Variants in GOLGA2 observed in about 807,000 individuals in gnomAD.
The protein encoded by GOLGA2 is golgin subfamily A member 2.
A neutral mutation model predicts 148.8 loss-of-function variants in GOLGA2; 49 were observed. That is an observed-to-expected ratio of 0.33 (90% CI 0.26 to 0.42). GOLGA2 has a LOEUF of 0.42. GOLGA2 is among the 10% of genes least tolerant of loss of function. The probability of loss-of-function intolerance (pLI) is 1.00; values close to 1 mark genes in which losing one functional copy is unlikely to be tolerated. For synonymous variants in GOLGA2, 501 were observed against 511.8 expected (o/e 0.98, Z 0.28); for missense variants, 1,178 against 1,304.6 (o/e 0.90, Z 1.49).
At chr9:128,263,437 T>C (rs1308177578) in intron 12 of GOLGA2, among the ~76,000 whole-genome samples, 1 of 151,974 alleles carries the variant, frequency 6.6e-6, no homozygotes, top group Non-Finnish European at 1.5e-5. Flanking sequence ...TTTTGTTTTT[T>C]CTGAGATGGA....
Position 128,257,177 on chromosome 9 carries a change from G to T in GOLGA2, c.2980C>A (p.Leu994Ile), listed in dbSNP as rs1237582348. Residue 994 changes from leucine (L) to isoleucine (I), a missense_variant, in exon 27 of 27, where the codon CTT becomes ATT. Leu to Ile is a conservative substitution (Grantham distance 5). Transcript: ENST00000611957. This position sits in a 1 kb window ranked among gnomAD's most constrained non-coding sequence, Gnocchi z 8.0. ...NPTAQQIMQLLREMQNPRERP... is the reference protein window; with the variant it reads ...NPTAQQIMQLIREMQNPRERP... ...TCCCGGGGGTTCTGCATCTCACGAAGCAGCTGCATGATCTGCTGTGCAGTG... is the reference window on the plus strand; with the variant it reads ...TCCCGGGGGTTCTGCATCTCACGAATCAGCTGCATGATCTGCTGTGCAGTG... The T allele has an allele frequency of 1.2e-6, 2 of 1,614,056 alleles. No homozygotes were observed. The highest frequency in any genetic ancestry group is 8.5e-7 in the Non-Finnish European group (1 of 1,179,932).
chr9:128,275,503 G>T, intron 1 of GOLGA2: 1 of 1,309,768 alleles, frequency 7.6e-7, no homozygotes, highest in Non-Finnish European at 9.8e-7. Context: ...GGAGGTGAGG[G>T]TCGAGTCTGG....
chr9:128,265,915 G>C, intron 10 of GOLGA2, 34 bp from the exon 11 acceptor site: 1 of 1,606,246 alleles, frequency 6.2e-7, no homozygotes, highest in Non-Finnish European at 8.5e-7. Context: ...TGCTGAAAAA[G>C]AAGGAAAGAA....
chr9:128,262,881 T>C, intron 13 of GOLGA2, 153 bp downstream of exon 13: 1 of 799,002 alleles, frequency 1.3e-6, no homozygotes, highest in Non-Finnish European at 2.1e-6. Flanking sequence ...GGCTACACCA[T>C]GAGTCAGTGG....
chr9:128,262,030 C>A (rs777198299), intron 14 of GOLGA2: 83 of 427,038 alleles, frequency 1.9e-4, no homozygotes, highest in Non-Finnish European at 3.1e-4. Context: ...ATGGCAAAGC[C>A]CCGTATCTAC....
Position 128,257,143 on chromosome 9 carries a change from C to T in GOLGA2, c.3014G>A (p.Gly1005Asp). Reference sequence around the variant, plus strand: ...AGGAATGCAGGGGTTGCTGCCCAAGCCTGGGCGCTCCCGGGGGTTCTGCAT... The same window carrying T: ...AGGAATGCAGGGGTTGCTGCCCAAGTCTGGGCGCTCCCGGGGGTTCTGCAT... ...REMQNPRERP[G>D]LGSNPCIPFF... The change falls in exon 27 of 27, where the codon GGC becomes GAC. Residue 1005 changes from glycine to aspartate, a missense_variant. By Grantham distance (94) the Gly-to-Asp change is moderately conservative. Coordinates refer to ENST00000611957, the MANE Select transcript of GOLGA2 (RefSeq NM_001366244.2). The surrounding 1 kb of genome is among the most constrained non-coding windows in gnomAD (Gnocchi z 8.0). 6.2e-7 allele frequency: 1 copy of T among 1,614,202 alleles called. No homozygotes were observed. Among genetic ancestry groups the T allele is most frequent in the Non-Finnish European group, 8.5e-7 (1 of 1,180,020 alleles).
At position 128,257,938 on chromosome 9, in the gene GOLGA2, GC is replaced by G. The variant is rs746400988; in HGVS notation, c.2508+41del. The G allele has an allele frequency of 3.4e-6, 5 of 1,466,010 alleles. No homozygotes were observed. The South Asian group carries it at 3.4e-5, about 10-fold the overall frequency. 90.8% of individuals were successfully genotyped at this position (1,466,010 alleles called of 1,614,324 possible). ...TCATATATCGGCAGCGACCTGCCCC[GC>G]CCCCACCCTTCTTGACCCATGCCAG... On this transcript the variant is annotated intron_variant, in intron 23 of 26. Coordinates refer to ENST00000611957, the MANE Select transcript of GOLGA2 (RefSeq NM_001366244.2). This position sits in a 1 kb window ranked among gnomAD's most constrained non-coding sequence, Gnocchi z 8.0.
In GOLGA2 at chr9:128,266,346, A is replaced by T. The variant is rs1399615512; in HGVS notation, c.643-21T>A. The T allele has an allele frequency of 1.2e-6, 2 of 1,608,752 alleles. No individual in the cohort carries two copies. On this transcript the variant is annotated intron_variant, in intron 8 of 26. Transcript: ENST00000611957. This position sits in a 1 kb window ranked among gnomAD's most constrained non-coding sequence, Gnocchi z 4.2. Reference sequence around the variant, plus strand: ...TGTTTCTGTGGGGAAGAGTCAAAGGAAGGTGACTGAGGGTGGCCCCCTCAA... The same window carrying T: ...TGTTTCTGTGGGGAAGAGTCAAAGGTAGGTGACTGAGGGTGGCCCCCTCAA...
Position 128,271,414 on chromosome 9 carries a change from C to G in GOLGA2, c.288+1371G>C, listed in dbSNP as rs77230747. ...CCAACAGGATCAGGCTCTATTCGTG[C>G]CCTGCTCCTCTGGCTTGGCAGGAAG... On this transcript the variant is annotated intron_variant, in intron 3 of 26. Coordinates refer to ENST00000611957, the MANE Select transcript of GOLGA2 (RefSeq NM_001366244.2). This position sits in a 1 kb window ranked among gnomAD's most constrained non-coding sequence, Gnocchi z 4.4. 1.2e-3 allele frequency among the ~76,000 whole-genome samples: 187 copies of G among 152,288 alleles called. 1 individual carries two copies. The highest frequency in any genetic ancestry group is 4.4e-3 in the African/African-American group (183 of 41,552).
rs748480422 is a variant in GOLGA2 at position 128,261,176 on chromosome 9, C to A, written c.1416G>T (p.Gln472His). Residue 472 changes from glutamine to histidine, a missense_variant, in exon 17 of 27, where the codon CAG (glutamine) becomes CAT (histidine). By Grantham distance (24) the Gln-to-His change is conservative (BLOSUM62 0). This residue lies in a region of GOLGA2 where 529 missense variants were observed against 521.8 expected (regional missense o/e 1.01). Transcript: ENST00000611957. The surrounding 1 kb of genome is among the most constrained non-coding windows in gnomAD (Gnocchi z 5.7). The stretch of plus-strand genomic sequence containing the variant: ...GTCACCCCAGCCCCAGCTTACCCAT[C>A]TGGTTCCTCAGTTCAGCCAAGCTCG... Reference protein sequence around the residue: ...LETSLAELRNQMAEPPPPEPP... With the variant: ...LETSLAELRNHMAEPPPPEPP... 2 of 1,608,806 alleles carry A rather than the reference C, an allele frequency of 1.2e-6. No homozygotes were observed. The highest frequency in any genetic ancestry group is 1.7e-6 in the Non-Finnish European group (2 of 1,175,164).
rs1829856449 is a variant in GOLGA2 at position 128,256,302 on chromosome 9, T to C, written c.*765A>G. ...ATCCAGAAATTTAAGGAGTCAGCCC[T>C]GGCCAAGGTGGCTAAGGGTCTACAC... On this transcript the variant is annotated 3_prime_UTR_variant, in exon 27 of 27. Transcript: ENST00000611957. 1 of 152,240 alleles carries C rather than the reference T, an allele frequency of 6.6e-6. No individual in the cohort carries two copies. Among genetic ancestry groups the C allele is most frequent in the African/African-American group, 2.4e-5 (1 of 41,438 alleles). 9.4% of individuals were successfully genotyped at this position (152,240 alleles called of 1,614,324 possible).
Position 128,256,015 on chromosome 9 carries a change from CA to C in GOLGA2, c.*1051del, listed in dbSNP as rs1829837575. On this transcript the variant is annotated 3_prime_UTR_variant, in exon 27 of 27. Coordinates refer to ENST00000611957, the MANE Select transcript of GOLGA2 (RefSeq NM_001366244.2). ...GCTCCAACCTCTGCTAGGTATGATA[CA>C]GGGGGCGGCCCTACCCCTGGAATAT... is the stretch of plus-strand genomic sequence containing the variant. The C allele has an allele frequency of 6.6e-6, 1 of 152,662 alleles. No homozygotes were observed. The highest frequency in any genetic ancestry group is 2.4e-5 in the African/African-American group (1 of 41,426). The allele number at this position is 152,662 out of a possible 1,614,324, so 9.5% of individuals were successfully genotyped here.
At chr9:128,274,740 A>G (rs1161037396) in intron 1 of GOLGA2, among the ~76,000 whole-genome samples, 1 of 152,236 alleles carries the variant, frequency 6.6e-6, no homozygotes, top group Non-Finnish European at 1.5e-5. Flanking sequence ...AAAGTCTGGT[A>G]TACTCTTAGA....
Position 128,257,262 on chromosome 9 carries a change from G to A in GOLGA2, c.2895C>T (p.Leu965=), listed in dbSNP as rs762337817. ...NQQGDLCEVS[L]AGSVEPAQGE... is the part of the protein sequence containing the mutation. The stretch of plus-strand genomic sequence containing the variant: ...CTTGGGCAGGCTCCACACTGCCGGC[G>A]AGGCTCACCTCGCAAAGATCTTTGG... Residue 965 remains leucine (L), a synonymous_variant, in exon 27 of 27, where the codon CTC becomes CTT. Coordinates refer to ENST00000611957, the MANE Select transcript of GOLGA2 (RefSeq NM_001366244.2). This position sits in a 1 kb window ranked among gnomAD's most constrained non-coding sequence, Gnocchi z 8.0. The A allele has an allele frequency of 1.4e-5, 23 of 1,613,208 alleles. No individual in the cohort carries two copies. The highest frequency in any genetic ancestry group is 2.2e-5 in the East Asian group (1 of 44,878).
intron 2 of GOLGA2, 38 bp downstream of exon 2, chr9:128,273,812 G>A: frequency 1.2e-6 from 2 of 1,609,060 alleles, no homozygotes; most frequent in South Asian, 2.2e-5. Flanking sequence ...TGCCCCTTGG[G>A]CCCCCTGTCC....
rs778428329 is a variant in GOLGA2 at position 128,266,246 on chromosome 9, C to T, written c.681+41G>A. 2 of 1,572,464 alleles carry T rather than the reference C, an allele frequency of 1.3e-6. No homozygotes were observed. Among genetic ancestry groups the T allele is most frequent in the South Asian group, 1.1e-5 (1 of 90,150 alleles). Reference sequence around the variant, plus strand: ...CCTCTACATTTGAATGCCCCCCAAACCCAGCAGTCATGTTGTGAGCAAACA... The same window carrying T: ...CCTCTACATTTGAATGCCCCCCAAATCCAGCAGTCATGTTGTGAGCAAACA... On this transcript the variant is annotated intron_variant, in intron 9 of 26. Transcript: ENST00000611957. This position sits in a 1 kb window ranked among gnomAD's most constrained non-coding sequence, Gnocchi z 4.2.
Position 128,266,625 on chromosome 9 carries a change from T to C in GOLGA2, c.643-300A>G. The C allele has an allele frequency of 1.9e-6, 1 of 517,564 alleles. No homozygotes were observed. Among genetic ancestry groups the C allele is most frequent in the Non-Finnish European group, 3.4e-6 (1 of 290,522 alleles). The allele number at this position is 517,564 out of a possible 1,614,324, so 32.1% of individuals were successfully genotyped here. On this transcript the variant is annotated intron_variant, in intron 8 of 26. Transcript: ENST00000611957. The surrounding 1 kb of genome is among the most constrained non-coding windows in gnomAD (Gnocchi z 4.2). ...GCCCACCCTCTGCCAGTTTGTGATTTAGAAAGGTGTAATCATTCAACAAAC... is the reference window on the plus strand; with the variant it reads ...GCCCACCCTCTGCCAGTTTGTGATTCAGAAAGGTGTAATCATTCAACAAAC...
intron 3 of GOLGA2, among the ~76,000 whole-genome samples, chr9:128,272,139 T>C (rs1443181994): frequency 1.3e-5 from 2 of 150,838 alleles, no homozygotes; most frequent in Admixed American, 1.3e-4. Flanking sequence ...TTTTTTTTTT[T>C]CATCTCTCCT....
At chr9:128,267,142 C>G in intron 8 of GOLGA2, 52 bp downstream of exon 8, 1 of 1,211,496 alleles carries the variant, frequency 8.3e-7, no homozygotes, top group South Asian at 1.2e-5. Context: ...CAAGGGGAAA[C>G]TGGAGCCCAG....
Sources: gnomAD v4.1 joint callset for allele counts (sites outside exome capture counted in the v4.1 genomes callset) on GRCh38, gnomAD v4.1.1 for gene constraint, gnomAD v4.1.1 regional missense constraint, Gnocchi (gnomAD v3.1) non-coding constraint, MANE v1.5 for transcripts, NCBI Gene and HGNC (gene_info 2026-07-23, HGNC 2026-07-21) for gene names.